VPS8: variants seen among roughly 807,000 people sequenced by gnomAD.
VPS8 encodes vacuolar protein sorting-associated protein 8 homolog.
A neutral mutation model predicts 216.4 loss-of-function variants in VPS8; 129 were observed. The observed-to-expected ratio is 0.60, with a 90% CI of 0.52 to 0.69. VPS8 has a LOEUF of 0.69. Ranked by LOEUF, VPS8 falls within the 30% of genes least tolerant of loss-of-function variation. The probability of loss-of-function intolerance (pLI) is 0.00; values close to 1 mark genes in which losing one functional copy is unlikely to be tolerated. For synonymous variants in VPS8, 571 were observed against 565.4 expected (o/e 1.01, Z -0.14); for missense variants, 1,531 against 1,683.5 (o/e 0.91, Z 1.59).
At chr3:184,933,066 A>G (rs1197061836) in intron 34 of VPS8, among the ~76,000 whole-genome samples, 2 of 152,230 alleles carry the variant, frequency 1.3e-5, no homozygotes, top group African/African-American at 4.8e-5. Flanking sequence ...CTGAATCAGA[A>G]ACTCTGGGGG....
chr3:184,976,567 C>G, intron 40 of VPS8, among the ~76,000 whole-genome samples: 1 of 151,874 alleles, frequency 6.6e-6, no homozygotes, highest in South Asian at 2.1e-4. Flanking sequence ...AATCTGTCTC[C>G]CAGGTGGTAA....
chr3:184,994,502 A>C (rs1752358709), intron 43 of VPS8, among the ~76,000 whole-genome samples: 1 of 152,116 alleles, frequency 6.6e-6, no homozygotes, highest in South Asian at 2.1e-4. Flanking sequence ...AAAAAAAAAA[A>C]AATTCTCTTG....
At chr3:184,897,450 G>A (rs1229877303) in intron 23 of VPS8, among the ~76,000 whole-genome samples, 1 of 152,176 alleles carries the variant, frequency 6.6e-6, no homozygotes, top group Non-Finnish European at 1.5e-5. Flanking sequence ...AAGTTTGAGA[G>A]ACAAATCAGG....
intron 21 of VPS8, among the ~76,000 whole-genome samples, chr3:184,881,541 C>A (rs2108840553): frequency 6.6e-6 from 1 of 152,204 alleles, no homozygotes; most frequent in East Asian, 1.9e-4. Context: ...ACCACATAAT[C>A]TTGATAACTG....
intron 21 of VPS8, among the ~76,000 whole-genome samples, chr3:184,876,331 T>C (rs760294823): frequency 4.6e-5 from 7 of 152,108 alleles, no homozygotes; most frequent in Admixed American, 6.5e-5. Flanking sequence ...TCAAAATCAT[T>C]TGAAGATATT....
intron 40 of VPS8, among the ~76,000 whole-genome samples, chr3:184,976,370 G>A (rs1260441564): frequency 6.6e-6 from 1 of 151,446 alleles, no homozygotes; most frequent in Non-Finnish European, 1.5e-5. Context: ...TTGATTGGCA[G>A]CCTGTATTTG....
At chr3:185,025,432 C>A (rs906180545) in intron 46 of VPS8, among the ~76,000 whole-genome samples, 3 of 152,204 alleles carry the variant, frequency 2.0e-5, no homozygotes, top group Admixed American at 6.5e-5. Flanking sequence ...CCTGCTGGCT[C>A]TGTTGACTAA....
intron 26 of VPS8, among the ~76,000 whole-genome samples, chr3:184,914,543 C>A (rs1418917612): frequency 6.6e-6 from 1 of 152,122 alleles, no homozygotes; most frequent in Non-Finnish European, 1.5e-5. Context: ...AGACATTTAG[C>A]CTCTTTCCCC....
chr3:184,869,858 C>T (rs530884143), intron 20 of VPS8, among the ~76,000 whole-genome samples: 22 of 152,294 alleles, frequency 1.4e-4, no homozygotes, highest in African/African-American at 5.3e-4. Context: ...CACTGCACTC[C>T]AGCCTGGGCA....
In VPS8 at chr3:184,894,811, A is replaced by G; in HGVS notation, c.1890A>G (p.Gly630=). 1 of 1,610,946 alleles carries G rather than the reference A, an allele frequency of 6.2e-7. No homozygotes were observed. Among genetic ancestry groups the G allele is most frequent in the South Asian group, 1.1e-5 (1 of 90,456 alleles). ...ATATTTTAAGTGATAAATTGGTGGG[A>G]ATCACACCCCAAGTAATGAAAGACT... ...EPYILSDKLV[G]ITPQVMKDLI... is the part of the protein sequence containing the mutation. The change falls in exon 23 of 48, where the codon GGA becomes GGG. Residue 630 remains glycine (G), a synonymous_variant. Coordinates refer to ENST00000625842, the MANE Select transcript of VPS8 (RefSeq NM_001009921.3).
At chr3:184,950,813 T>C (rs1189505235) in intron 36 of VPS8, among the ~76,000 whole-genome samples, 1 of 152,128 alleles carries the variant, frequency 6.6e-6, no homozygotes, top group East Asian at 1.9e-4. Context: ...TGAGAACATC[T>C]GATGTTTGGT....
chr3:185,026,356 C>G (rs1430923833), intron 46 of VPS8, among the ~76,000 whole-genome samples: 1 of 151,780 alleles, frequency 6.6e-6, no homozygotes, highest in African/African-American at 2.4e-5. Context: ...ATTTTGGCAT[C>G]CACAGGAGGT....
intron 46 of VPS8, among the ~76,000 whole-genome samples, chr3:185,026,643 T>C: frequency 6.6e-6 from 1 of 151,026 alleles, no homozygotes; most frequent in Admixed American, 6.6e-5. Context: ...ACTCCTGACC[T>C]CATGATCCAT....
At chr3:184,902,613 C>T (rs1420086741) in intron 25 of VPS8, among the ~76,000 whole-genome samples, 2 of 147,926 alleles carry the variant, frequency 1.4e-5, no homozygotes, top group South Asian at 2.2e-4. Flanking sequence ...GGGCGGATCA[C>T]GAGGTCAGGA....
intron 45 of VPS8, among the ~76,000 whole-genome samples, chr3:185,006,429 C>G (rs865993904): frequency 1.3e-5 from 2 of 152,156 alleles, no homozygotes; most frequent in Non-Finnish European, 2.9e-5. Context: ...CTGAATTATC[C>G]TACCACCAAC....
chr3:184,915,413 A>G lies in VPS8; in HGVS notation c.2321A>G (p.Tyr774Cys), dbSNP rs374826962. The G allele has an allele frequency of 8.7e-6, 14 of 1,613,830 alleles. No homozygotes were observed. The highest frequency in any genetic ancestry group is 8.0e-5 in the African/African-American group (6 of 74,940). ...GAGGCTTCTCCTGAGGAAGAAATCT[A>G]TCCTTACATTCGGACTTTGCTACAT... is the stretch of plus-strand genomic sequence containing the variant. Reference protein sequence around the residue: ...SAEASPEEEIYPYIRTLLHFD... With the variant: ...SAEASPEEEICPYIRTLLHFD... The change falls in exon 28 of 48, where the codon TAT (tyrosine) becomes TGT (cysteine). Residue 774 changes from tyrosine (Y) to cysteine (C), a missense_variant. Around this residue, in one of 3 missense-constraint regions of VPS8, gnomAD observed 1,318 missense variants for 1,468.4 expected, o/e 0.90. Transcript: ENST00000625842.
intron 42 of VPS8, among the ~76,000 whole-genome samples, chr3:184,987,902 G>T (rs534265376): frequency 6.6e-6 from 1 of 152,324 alleles, no homozygotes; most frequent in South Asian, 2.1e-4. Context: ...GGTATTGTCA[G>T]TGTTTTGGAT....
rs763143393 is a variant in VPS8, at chr3:184,824,797, A to G, written c.153+12A>G. On this transcript the variant is annotated intron_variant, in intron 2 of 47. Coordinates refer to ENST00000625842, the MANE Select transcript of VPS8 (RefSeq NM_001009921.3). ...TCAAAAATGATCTGGTAAAAATTTC[A>G]ATTTCTGTCAAGTGATAATGTTTAA... The G allele has an allele frequency of 4.4e-6, 7 of 1,590,904 alleles. No homozygotes were observed. In the Admixed American group the frequency reaches 8.9e-5, roughly 20 times the overall value.
chr3:184,843,176 A>G, intron 7 of VPS8, 64 bp from the exon 8 acceptor site: 1 of 1,285,238 alleles, frequency 7.8e-7, no homozygotes, highest in Non-Finnish European at 1.0e-6. Context: ...CTTTTCTTCG[A>G]ACTTTTGAAC....
Sources: allele counts gnomAD v4.1 joint callset (sites outside exome capture counted in the v4.1 genomes callset), GRCh38; gene constraint gnomAD v4.1.1; regional missense constraint gnomAD v4.1.1; transcripts MANE v1.5; gene names NCBI Gene and HGNC (gene_info 2026-07-23, HGNC 2026-07-21).